The following HMBOX1 variants were observed in gnomAD, a reference collection of about 807,000 sequenced individuals.
The protein encoded by HMBOX1 is homeobox-containing protein 1.
Under a neutral mutation model 54.5 loss-of-function variants are expected in HMBOX1, and 14 were observed. That is an observed-to-expected ratio of 0.26 (90% CI 0.17 to 0.40). The LOEUF is 0.40. Ranked by LOEUF, HMBOX1 falls within the 10% of genes least tolerant of loss-of-function variation. HMBOX1 has a pLI of 1.00. For synonymous variants in HMBOX1, 160 were observed against 181.0 expected (o/e 0.88, Z 0.93); for missense variants, 332 against 514.4 (o/e 0.65, Z 3.43).
At chr8:29,047,300 TA>T in intron 7 of HMBOX1, 57 bp from the exon 8 acceptor site, 1 of 982,228 alleles carries the variant, frequency 1.0e-6, no homozygotes, top group South Asian at 1.3e-5. Context: ...CCCTTAAAAC[TA>T]GTTTATTCTT....
intron 2 of HMBOX1, among the ~76,000 whole-genome samples, chr8:28,968,893 G>T (rs1392122813): frequency 6.6e-6 from 1 of 152,200 alleles, no homozygotes; most frequent in Non-Finnish European, 1.5e-5. Context: ...GGAATTCAAG[G>T]CCGAGCATGG....
intron 4 of HMBOX1, among the ~76,000 whole-genome samples, chr8:28,994,137 A>G (rs944588154): frequency 1.3e-4 from 19 of 148,056 alleles, no homozygotes; most frequent in African/African-American, 4.7e-4. Context: ...ACTGCAATCC[A>G]GCCTGGGCGA....
intron 4 of HMBOX1, among the ~76,000 whole-genome samples, chr8:29,002,382 G>A (rs1325023011): frequency 6.6e-6 from 1 of 152,190 alleles, no homozygotes; most frequent in Non-Finnish European, 1.5e-5. Flanking sequence ...AGCTTCAAAA[G>A]TCATAGACCA....
At chr8:28,980,247 C>A in intron 4 of HMBOX1, 91 bp downstream of exon 4, 2 of 922,042 alleles carry the variant, frequency 2.2e-6, no homozygotes, top group Non-Finnish European at 3.6e-6. Context: ...TTCTGCATTG[C>A]AGTGCAGATC....
intron 1 of HMBOX1, among the ~76,000 whole-genome samples, chr8:28,931,777 G>A (rs1255846323): frequency 6.6e-6 from 1 of 152,188 alleles, no homozygotes; most frequent in East Asian, 1.9e-4. Context: ...CTGGACTCAA[G>A]TGATCCTCCT....
At chr8:28,944,037 G>T (rs550208259) in intron 1 of HMBOX1, among the ~76,000 whole-genome samples, 3 of 152,006 alleles carry the variant, frequency 2.0e-5, no homozygotes, top group East Asian at 1.9e-4. Flanking sequence ...TTTCTCTAGC[G>T]CTGACTTTCT....
chr8:29,026,076 AC>A (rs2133102256), intron 6 of HMBOX1, among the ~76,000 whole-genome samples: 1 of 151,250 alleles, frequency 6.6e-6, no homozygotes, highest in South Asian at 2.1e-4. Context: ...ACACACACAC[AC>A]ACACAGTTTT....
chr8:28,901,228 T>C (rs1162883316), intron 1 of HMBOX1, among the ~76,000 whole-genome samples: 2 of 152,174 alleles, frequency 1.3e-5, no homozygotes, highest in Admixed American at 1.3e-4. Flanking sequence ...AATCCCTTTC[T>C]GGCTAATTTA....
intron 1 of HMBOX1, among the ~76,000 whole-genome samples, chr8:28,958,281 T>A (rs911488755): frequency 6.6e-6 from 1 of 152,200 alleles, no homozygotes; most frequent in African/African-American, 2.4e-5. Flanking sequence ...TTCAGTTTTT[T>A]AAAAATATAA....
At chr8:28,895,530 C>A (rs1585606356) in intron 1 of HMBOX1, among the ~76,000 whole-genome samples, 1 of 152,120 alleles carries the variant, frequency 6.6e-6, no homozygotes, top group East Asian at 1.9e-4. Flanking sequence ...CAAAAATTAG[C>A]TGGGTATGGT....
intron 1 of HMBOX1, 36 bp from the exon 2 acceptor site, chr8:28,963,775 A>C (rs1825987094): frequency 9.6e-7 from 1 of 1,040,288 alleles, no homozygotes. Context: ...CTTGATTAAC[A>C]TAAATGTTTC....
intron 4 of HMBOX1, among the ~76,000 whole-genome samples, chr8:28,993,880 AGG>A (rs962949026): frequency 4.6e-5 from 7 of 152,156 alleles, no homozygotes; most frequent in Non-Finnish European, 8.8e-5. Context: ...TAAAAAGAAC[AGG>A]GGAAGGCCAG....
At chr8:28,976,201 T>C (rs879831716) in intron 3 of HMBOX1, among the ~76,000 whole-genome samples, 1 of 152,218 alleles carries the variant, frequency 6.6e-6, no homozygotes, top group Non-Finnish European at 1.5e-5. Context: ...GCAGATCGTT[T>C]GTTTCTTCCT....
At chr8:29,005,996 T>C (rs1054684691) in intron 4 of HMBOX1, among the ~76,000 whole-genome samples, 7 of 147,894 alleles carry the variant, frequency 4.7e-5, no homozygotes, top group African/African-American at 1.7e-4. Flanking sequence ...TTCTATTTTT[T>C]TTTTTTTTTT....
At chr8:29,034,577 G>T (rs1390915250) in intron 6 of HMBOX1, among the ~76,000 whole-genome samples, 1 of 152,218 alleles carries the variant, frequency 6.6e-6, no homozygotes, top group East Asian at 1.9e-4. Context: ...GCAATTGAGG[G>T]CCAGGCACGG....
chr8:28,960,765 C>CTTTTTTTTTTTTTTTTTTTTTTTTTTTT (rs1162477676), intron 1 of HMBOX1, among the ~76,000 whole-genome samples: 1 of 16,258 alleles, frequency 6.2e-5, no homozygotes, highest in Non-Finnish European at 1.3e-4. Flanking sequence ...TTTTCTTTTT[C>CTTTTTTTTTTTTTTTTTTTTTTTTTTTT]TTTTTTTTTT....
chr8:28,987,798 T>G (rs547428806), intron 4 of HMBOX1, among the ~76,000 whole-genome samples: 1 of 152,306 alleles, frequency 6.6e-6, no homozygotes, highest in East Asian at 1.9e-4. Flanking sequence ...TTTGAAGCAA[T>G]GTTTCAAATT....
At chr8:28,978,449 T>G (rs1218204879) in intron 3 of HMBOX1, among the ~76,000 whole-genome samples, 2 of 152,130 alleles carry the variant, frequency 1.3e-5, no homozygotes, top group Non-Finnish European at 2.9e-5. Context: ...ATAGTAAAAA[T>G]TTTAGACTTT....
intron 3 of HMBOX1, among the ~76,000 whole-genome samples, chr8:28,977,745 C>A (rs1265044531): frequency 6.6e-6 from 1 of 151,856 alleles, no homozygotes; most frequent in Non-Finnish European, 1.5e-5. Flanking sequence ...TCAAGACCAT[C>A]CTGGCTAACA....
Sources: gnomAD v4.1 joint callset for allele counts (sites outside exome capture counted in the v4.1 genomes callset) on GRCh38, gnomAD v4.1.1 for gene constraint, MANE v1.5 for transcripts, NCBI Gene and HGNC (gene_info 2026-07-23, HGNC 2026-07-21) for gene names.